The following CBX5 variants were observed in gnomAD, a reference collection of about 807,000 sequenced individuals.
The protein encoded by CBX5 is chromobox protein homolog 5.
A neutral mutation model predicts 20.7 loss-of-function variants in CBX5; 7 were observed. The observed-to-expected ratio is 0.34, with a 90% CI of 0.19 to 0.63. The LOEUF (loss-of-function observed/expected upper bound fraction) is 0.63, where lower values mean the gene tolerates loss of function less well. Among genes scored for constraint, CBX5 ranks in the 30% least tolerant of loss-of-function variants. The pLI is 0.75. For synonymous variants in CBX5, 78 were observed against 77.0 expected, an observed-to-expected ratio of 1.01 and a Z score of -0.07; for missense variants, 110 against 224.1, an observed-to-expected ratio of 0.49 and a Z score of 3.25.
At position 54,238,547 on chromosome 12, in the gene CBX5, C is replaced by T. The variant is rs936968601; in HGVS notation, c.*3208G>A. The T allele has an allele frequency of 5.9e-5, 9 of 152,002 alleles. No homozygotes were observed. Among genetic ancestry groups the T allele is most frequent in the African/African-American group, 1.9e-4 (8 of 41,342 alleles). 9.4% of individuals were successfully genotyped at this position (152,002 alleles called of 1,614,324 possible). A position where few individuals can be genotyped will look rare whatever the true frequency, so the allele number is the denominator to read the frequency against. ...TAGAAAGCATGAAGATAGTATGTTC[C>T]AATTTTAAATAAAAATTATATTGTC... On this transcript the variant is annotated 3_prime_UTR_variant, in exon 5 of 5. Transcript: ENST00000209875.
At chr12:54,279,373 G>T (rs758595633) in intron 1 of CBX5, among the ~76,000 whole-genome samples, 1 of 152,148 alleles carries the variant, frequency 6.6e-6, no homozygotes, top group Non-Finnish European at 1.5e-5. Context: ...TCAAGTCGAG[G>T]AATACAGGAG....
intron 3 of CBX5, among the ~76,000 whole-genome samples, chr12:54,246,689 T>C (rs1437424263): frequency 1.4e-5 from 2 of 146,064 alleles, no homozygotes; most frequent in Non-Finnish European, 3.0e-5. Context: ...GCTGAGGCAG[T>C]AGAATTGCTT....
chr12:54,250,318 G>T (rs1246163431), intron 3 of CBX5, among the ~76,000 whole-genome samples: 1 of 152,146 alleles, frequency 6.6e-6, no homozygotes, highest in Non-Finnish European at 1.5e-5. Context: ...GGCTGAAACA[G>T]GAGAATCACT....
chr12:54,270,040 C>A (rs972886495), intron 1 of CBX5, among the ~76,000 whole-genome samples: 1 of 152,218 alleles, frequency 6.6e-6, no homozygotes, highest in East Asian at 1.9e-4. Context: ...TAATTAGTAT[C>A]TTTTTTCCTG....
chr12:54,273,847 A>G (rs1189164677), intron 1 of CBX5: 1 of 152,236 alleles, frequency 6.6e-6, no homozygotes, highest in East Asian at 1.9e-4. Flanking sequence ...GTAATTTGTT[A>G]TAGCAGCCAC....
chr12:54,279,387 A>C (rs1008539558), intron 1 of CBX5, among the ~76,000 whole-genome samples: 1 of 152,190 alleles, frequency 6.6e-6, no homozygotes, highest in African/African-American at 2.4e-5. Flanking sequence ...ACAGGAGCAA[A>C]CTTACGCTTT....
At chr12:54,275,223 T>G (rs188374812) in intron 1 of CBX5, among the ~76,000 whole-genome samples, 28 of 152,238 alleles carry the variant, frequency 1.8e-4, no homozygotes, top group Non-Finnish European at 3.4e-4. Context: ...TAGATTTGGT[T>G]GCAATAGTAG....
chr12:54,232,744 A>C lies in CBX5; in HGVS notation c.*9011T>G, dbSNP rs1260069671. ...TAATGTGAGGAATCTTGGAAAAATG[A>C]ACTGCTTCTGAAAGTCATGTTATAG... On this transcript the variant is annotated 3_prime_UTR_variant, in exon 5 of 5. Transcript: ENST00000209875. The C allele has an allele frequency of 6.6e-6, 1 of 152,032 alleles. No homozygotes were observed. Among genetic ancestry groups the C allele is most frequent in the East Asian group, 1.9e-4 (1 of 5,200 alleles). 9.4% of individuals were successfully genotyped at this position (152,032 alleles called of 1,614,324 possible). A position where few individuals can be genotyped will look rare whatever the true frequency, so the allele number is the denominator to read the frequency against.
chr12:54,239,535 C>G lies in CBX5; in HGVS notation c.*2220G>C, dbSNP rs1348129621. The G allele has an allele frequency of 6.6e-6, 1 of 152,162 alleles. No homozygotes were observed. Among genetic ancestry groups the G allele is most frequent in the East Asian group, 1.9e-4 (1 of 5,198 alleles). 9.4% of individuals were successfully genotyped at this position (152,162 alleles called of 1,614,324 possible). On this transcript the variant is annotated 3_prime_UTR_variant, in exon 5 of 5. Transcript: ENST00000209875. ...TGTCTACCCTAATTGATATCCTTGG[C>G]TACATTTATGATAAATGTTTCCTGA...
At chr12:54,253,628 T>C (rs915610981) in intron 2 of CBX5, among the ~76,000 whole-genome samples, 4 of 146,286 alleles carry the variant, frequency 2.7e-5, no homozygotes, top group African/African-American at 5.1e-5. Flanking sequence ...CTTGGGAGGC[T>C]GAAATGAGAG....
At chr12:54,252,970 A>C (rs1485676784) in intron 2 of CBX5, among the ~76,000 whole-genome samples, 2 of 138,256 alleles carry the variant, frequency 1.4e-5, no homozygotes, top group Non-Finnish European at 3.1e-5. Context: ...AAAAAGCCAG[A>C]CTCTGTCTCA....
chr12:54,275,650 C>T (rs1370797002), intron 1 of CBX5, among the ~76,000 whole-genome samples: 5 of 152,072 alleles, frequency 3.3e-5, no homozygotes, highest in Admixed American at 3.3e-4. Flanking sequence ...ACCAGAATTT[C>T]AATGAAAAAT....
intron 4 of CBX5, among the ~76,000 whole-genome samples, chr12:54,245,464 C>A (rs539300104): frequency 2.6e-5 from 4 of 152,196 alleles, no homozygotes; most frequent in Admixed American, 2.6e-4. Flanking sequence ...CAAGACCAGC[C>A]TGGCCAACAC....
Position 54,252,048 on chromosome 12 carries a change from T to C in CBX5, c.317A>G (p.Lys106Arg). The C allele has an allele frequency of 6.4e-7, 1 of 1,551,908 alleles. No individual in the cohort carries two copies. Among genetic ancestry groups the C allele is most frequent in the East Asian group, 2.3e-5 (1 of 43,004 alleles). The part of the protein sequence containing the change: ...NSADDIKSKK[K>R]REQSNDIARG... The stretch of plus-strand genomic sequence containing the variant: ...AAGGGAAAGGAAGCTTACCTCTCTC[T>C]TTTTTTTAGATTTGATGTCATCGGC... The change falls in exon 3 of 5, where the codon AAG becomes AGG. Residue 106 changes from lysine to arginine, a missense_variant. By Grantham distance (26) the Lys-to-Arg change is conservative. This residue lies in a region of CBX5 where 21 missense variants were observed against 18.6 expected (regional missense o/e 1.13). Coordinates refer to ENST00000209875, the MANE Select transcript of CBX5 (RefSeq NM_012117.3).
intron 1 of CBX5, among the ~76,000 whole-genome samples, chr12:54,264,314 C>T (rs554726127): frequency 6.6e-6 from 1 of 152,270 alleles, no homozygotes; most frequent in Non-Finnish European, 1.5e-5. Context: ...CGCCACCATG[C>T]CTGGCTACAT....
chr12:54,254,137 C>T (rs758923332), intron 2 of CBX5, among the ~76,000 whole-genome samples: 1 of 151,912 alleles, frequency 6.6e-6, no homozygotes, highest in African/African-American at 2.4e-5. Flanking sequence ...TTCAGCCAGG[C>T]ACGGTGGCTC....
intron 3 of CBX5, among the ~76,000 whole-genome samples, chr12:54,249,631 G>C (rs906337214): frequency 6.6e-6 from 1 of 152,024 alleles, no homozygotes; most frequent in Non-Finnish European, 1.5e-5. Context: ...ACCACAAAAG[G>C]CTTCATAACC....
intron 1 of CBX5, among the ~76,000 whole-genome samples, chr12:54,274,705 C>A (rs141967632): frequency 2.0e-5 from 3 of 152,052 alleles, no homozygotes; most frequent in African/African-American, 4.8e-5. Flanking sequence ...TTTGGGAGGC[C>A]GAGGCGGTTG....
At chr12:54,277,670 T>G (rs1263136172) in intron 1 of CBX5, among the ~76,000 whole-genome samples, 1 of 152,192 alleles carries the variant, frequency 6.6e-6, no homozygotes, top group African/African-American at 2.4e-5. Context: ...AAATTTCCTT[T>G]TATTAAATGG....
Sources: gnomAD v4.1 joint callset for allele counts (sites outside exome capture counted in the v4.1 genomes callset) on GRCh38, gnomAD v4.1.1 for gene constraint, gnomAD v4.1.1 regional missense constraint, MANE v1.5 for transcripts, NCBI Gene and HGNC (gene_info 2026-07-23, HGNC 2026-07-21) for gene names.